RAI14: variants seen among roughly 807,000 people sequenced by gnomAD.
RAI14 encodes ankycorbin.
A neutral mutation model predicts 115.4 loss-of-function variants in RAI14; 45 were observed. The observed-to-expected ratio is 0.39, with a 90% CI of 0.31 to 0.50. RAI14 has a LOEUF of 0.50. RAI14 is among the 20% of genes least tolerant of loss of function. RAI14 has a pLI of 0.85. For missense variants in RAI14, 939 were observed against 1,131.2 expected (o/e 0.83, Z 2.44); for synonymous variants, 371 against 415.4 (o/e 0.89, Z 1.30).
At position 34,827,877 on chromosome 5, in the gene RAI14, G is replaced by C. The variant is rs1321307382; in HGVS notation, c.2799+1398G>C. On this transcript the variant is annotated intron_variant, in intron 16 of 17. Coordinates refer to ENST00000265109, the MANE Select transcript of RAI14 (RefSeq NM_015577.3). The surrounding 1 kb of genome is among the most constrained non-coding windows in gnomAD (Gnocchi z 4.2). ...ATACTCTATATAAGTTATCAGCAAA[G>C]AGATGCCCAGCATACCGTGGGCATA... Among the ~76,000 whole-genome samples, 1 of 152,178 alleles carries C rather than the reference G, an allele frequency of 6.6e-6. No homozygotes were observed. Among genetic ancestry groups the C allele is most frequent in the Non-Finnish European group, 1.5e-5 (1 of 68,040 alleles).
At chr5:34,801,817 T>C (rs1223642116) in intron 4 of RAI14, among the ~76,000 whole-genome samples, 1 of 151,960 alleles carries the variant, frequency 6.6e-6, no homozygotes, top group Non-Finnish European at 1.5e-5. Flanking sequence ...ACGCCTGTAA[T>C]CCCTGCACTT....
intron 1 of RAI14, among the ~76,000 whole-genome samples, chr5:34,682,869 C>T (rs899726408): frequency 6.6e-6 from 1 of 152,214 alleles, no homozygotes; most frequent in South Asian, 2.1e-4. Context: ...AAGTAAGCAT[C>T]CTGATTTAAT....
chr5:34,817,272 CAAAA>C (rs34084798), intron 12 of RAI14, among the ~76,000 whole-genome samples: 7 of 97,184 alleles, frequency 7.2e-5, no homozygotes, highest in African/African-American at 4.1e-5. Context: ...CACTCCATCT[CAAAA>C]AAAAAAAAAA....
intron 3 of RAI14, among the ~76,000 whole-genome samples, chr5:34,778,848 A>G (rs888999664): frequency 6.6e-6 from 1 of 152,032 alleles, no homozygotes; most frequent in Non-Finnish European, 1.5e-5. Context: ...GAAAGCCCAC[A>G]CTTCTTAATC....
In RAI14 at chr5:34,824,502, C is replaced by A; in HGVS notation, c.2649+11C>A. On this transcript the variant is annotated intron_variant, in intron 15 of 17. Coordinates refer to ENST00000265109, the MANE Select transcript of RAI14 (RefSeq NM_015577.3). Reference sequence around the variant, plus strand: ...GATAAAGATAAAAAGGTTGGTGAAACTGTATTGCTGTTGGGTTTCTAGCAA... The same window carrying A: ...GATAAAGATAAAAAGGTTGGTGAAAATGTATTGCTGTTGGGTTTCTAGCAA... 1 of 1,542,420 alleles carries A rather than the reference C, an allele frequency of 6.5e-7. No homozygotes were observed. Among genetic ancestry groups the A allele is most frequent in the Non-Finnish European group, 8.7e-7 (1 of 1,146,994 alleles).
intron 2 of RAI14, among the ~76,000 whole-genome samples, chr5:34,703,040 T>G (rs1186958414): frequency 6.6e-6 from 1 of 152,230 alleles, no homozygotes; most frequent in African/African-American, 2.4e-5. Context: ...TATTGTAGTA[T>G]TATTTATATT....
chr5:34,681,154 T>C (rs949256631), intron 1 of RAI14, among the ~76,000 whole-genome samples: 84 of 152,212 alleles, frequency 5.5e-4, no homozygotes, highest in African/African-American at 2.0e-3. Context: ...GGAAGGTTGG[T>C]CTGGAGAGAC....
At chr5:34,800,849 T>C (rs1017405883) in intron 4 of RAI14, among the ~76,000 whole-genome samples, 47 of 152,342 alleles carry the variant, frequency 3.1e-4, no homozygotes, top group African/African-American at 1.0e-3. Flanking sequence ...GAACAGCTTT[T>C]GTTCACAGCA....
At chr5:34,699,977 G>A (rs1359412954) in intron 2 of RAI14, among the ~76,000 whole-genome samples, 1 of 152,130 alleles carries the variant, frequency 6.6e-6, no homozygotes, top group Admixed American at 6.6e-5. Flanking sequence ...GAAAGCTTCT[G>A]GTGCTAGAGA....
At chr5:34,667,029 G>A (rs190067358) in intron 1 of RAI14, among the ~76,000 whole-genome samples, 48 of 152,228 alleles carry the variant, frequency 3.2e-4, no homozygotes, top group Admixed American at 3.1e-3. Context: ...ATGAGGCTGA[G>A]GCCTAGAGAA....
At chr5:34,757,330 T>A (rs757697246) in intron 2 of RAI14, 138 bp from the exon 3 acceptor site, 3 of 1,017,220 alleles carry the variant, frequency 2.9e-6, no homozygotes, top group Non-Finnish European at 4.6e-6. Context: ...GGGGAAGGTA[T>A]TTTAAAACAC....
chr5:34,756,507 C>T (rs1205623998), intron 2 of RAI14, among the ~76,000 whole-genome samples: 1 of 152,200 alleles, frequency 6.6e-6, no homozygotes, highest in Non-Finnish European at 1.5e-5. Flanking sequence ...CAGGAGACGA[C>T]TGGAAGGCAG....
chr5:34,665,444 T>G (rs2149846248), intron 1 of RAI14, among the ~76,000 whole-genome samples: 1 of 150,560 alleles, frequency 6.6e-6, no homozygotes, highest in African/African-American at 2.4e-5. Flanking sequence ...CAGAGAAGCC[T>G]CCTTTTGCAC....
At chr5:34,690,489 G>A (rs1026811601) in intron 2 of RAI14, among the ~76,000 whole-genome samples, 5 of 152,356 alleles carry the variant, frequency 3.3e-5, no homozygotes, top group Non-Finnish European at 5.9e-5. Flanking sequence ...ACACCCAGGA[G>A]TAAACATAGG....
intron 3 of RAI14, among the ~76,000 whole-genome samples, chr5:34,792,744 G>C (rs946511397): frequency 6.6e-6 from 1 of 152,190 alleles, no homozygotes. Flanking sequence ...TAAAATCAAA[G>C]CCAAGACTAT....
chr5:34,762,929 A>ATGTGTGTG (rs34495404), intron 3 of RAI14, among the ~76,000 whole-genome samples: 40 of 129,090 alleles, frequency 3.1e-4, no homozygotes, highest in Non-Finnish European at 5.7e-4. Context: ...GAGTGTGTGC[A>ATGTGTGTG]TGTGTGTGTG....
intron 9 of RAI14, 52 bp from the exon 10 acceptor site, chr5:34,812,128 A>G: frequency 6.7e-7 from 1 of 1,494,992 alleles, no homozygotes; most frequent in Non-Finnish European, 9.2e-7. Context: ...CCCAAAGTGA[A>G]TATGAATCAT....
chr5:34,808,495 C>T, intron 6 of RAI14, 89 bp from the exon 7 acceptor site: 1 of 1,188,464 alleles, frequency 8.4e-7, no homozygotes, highest in Non-Finnish European at 1.2e-6. Context: ...GTGGGTAGAA[C>T]ATGAACATTT....
chr5:34,800,246 T>C (rs12659689), intron 4 of RAI14, among the ~76,000 whole-genome samples: 61,678 of 152,114 alleles, frequency 0.41, 12,951 homozygotes, highest in Admixed American at 0.53. Flanking sequence ...GCCAGAGCAG[T>C]TGGGCCATTC....
Sources: gnomAD v4.1 joint callset for allele counts (sites outside exome capture counted in the v4.1 genomes callset) on GRCh38, gnomAD v4.1.1 for gene constraint, Gnocchi (gnomAD v3.1) non-coding constraint, MANE v1.5 for transcripts, NCBI Gene and HGNC (gene_info 2026-07-23, HGNC 2026-07-21) for gene names.